The following ERAP2 variants were observed in gnomAD, a reference collection of about 807,000 sequenced individuals.
ERAP2 encodes the protein endoplasmic reticulum aminopeptidase 2.
Under a neutral mutation model 111.1 loss-of-function variants are expected in ERAP2, and 118 were observed. That is an observed-to-expected ratio of 1.06 (90% CI 0.92 to 1.24). The LOEUF is 1.24. Ranked by LOEUF, ERAP2 falls within the 50% of genes most tolerant of loss-of-function variation. The probability of loss-of-function intolerance (pLI) is 0.00; values close to 1 mark genes in which losing one functional copy is unlikely to be tolerated. For synonymous variants in ERAP2, 410 were observed against 401.2 expected (o/e 1.02, Z -0.26); for missense variants, 1,131 against 1,125.8 (o/e 1.00, Z -0.07).
chr5:96,878,891 G>A (rs1171600608), intron 1 of ERAP2, among the ~76,000 whole-genome samples: 1 of 152,172 alleles, frequency 6.6e-6, no homozygotes, highest in African/African-American at 2.4e-5. Flanking sequence ...TAGTGCCACT[G>A]CATTCCAACC....
chr5:96,879,537 T>A, intron 1 of ERAP2, 27 bp from the exon 2 acceptor site: 1 of 605,306 alleles, frequency 1.7e-6, no homozygotes, highest in Non-Finnish European at 2.9e-6. Flanking sequence ...TTTTTTGTCA[T>A]GCTATAAGTG....
chr5:96,891,535 TACACACACACACACACACACACACACAC>T (rs140359623), intron 5 of ERAP2, among the ~76,000 whole-genome samples: 1 of 138,990 alleles, frequency 7.2e-6, no homozygotes, highest in Non-Finnish European at 1.5e-5. Context: ...ACGGTATATA[TACACACACACACACACACACACACACAC>T]ATATATGGTA....
intron 10 of ERAP2, among the ~76,000 whole-genome samples, chr5:96,901,181 T>TTTGC (rs1429637171): frequency 7.6e-6 from 1 of 131,750 alleles, no homozygotes; most frequent in Non-Finnish European, 1.6e-5. Flanking sequence ...TGTTTGTTTG[T>TTTGC]TTGTTTGATT....
chr5:96,891,271 C>T (rs559209963), intron 5 of ERAP2, among the ~76,000 whole-genome samples: 1 of 151,344 alleles, frequency 6.6e-6, no homozygotes, highest in Admixed American at 6.6e-5. Context: ...AAATATTAGC[C>T]AGAAATTTTT....
rs574260056 is a variant in ERAP2, at chr5:96,889,770, G to A, written c.970+465G>A. Among the ~76,000 whole-genome samples the A allele has an allele frequency of 2.9e-4, 44 of 152,018 alleles. 1 individual carries two copies. Among genetic ancestry groups the A allele is most frequent in the Admixed American group, 2.5e-3 (38 of 15,262 alleles). ...GTGGGAGGGAAACACACCTCCCATC[G>A]TGCTGCTCTTCTATGCCCAGCAGCA... On this transcript the variant is annotated intron_variant, in intron 5 of 18. Transcript: ENST00000437043.
Position 96,896,405 on chromosome 5 carries a change from A to T in ERAP2, c.1272A>T (p.Val424=). 6.2e-7 allele frequency: 1 copy of T among 1,611,900 alleles called. No homozygotes were observed. Among genetic ancestry groups the T allele is most frequent in the East Asian group, 2.2e-5 (1 of 44,816 alleles). Residue 424 remains valine (V), a synonymous_variant, in exon 8 of 19, where the codon GTA becomes GTT. Coordinates refer to ENST00000437043, the MANE Select transcript of ERAP2 (RefSeq NM_022350.5). The part of the protein sequence containing the change: ...DDYFLNVCFE[V]ITKDSLNSSR... ...ATTTTTTGAATGTGTGTTTTGAAGT[A>T]ATTACAAAAGATTCATTGAATTCAT...
Position 96,879,958 on chromosome 5 carries a change from T to G in ERAP2, c.273T>G (p.Phe91Leu). ...ACCCCAATCTCACCTCTCTGGACTT[T>G]GTTGCATCTGAGAAGATCGAAGTCT... ...FVHPNLTSLDFVASEKIEVLV... is the reference protein window; with the variant it reads ...FVHPNLTSLDLVASEKIEVLV... The change falls in exon 2 of 19, where the codon TTT becomes TTG. Residue 91 changes from phenylalanine (F) to leucine (L), a missense_variant. Transcript: ENST00000437043. The G allele has an allele frequency of 6.2e-7, 1 of 1,614,216 alleles. No homozygotes were observed. The highest frequency in any genetic ancestry group is 8.5e-7 in the Non-Finnish European group (1 of 1,180,036).
Position 96,915,709 on chromosome 5 carries a change from C to T in ERAP2, c.2679C>T (p.Asp893=), listed in dbSNP as rs1787308731. The T allele has an allele frequency of 1.3e-6, 2 of 1,591,772 alleles. No homozygotes were observed. Among genetic ancestry groups the T allele is most frequent in the South Asian group, 1.1e-5 (1 of 86,978 alleles). ...TCAGATTTGACTTGGGCTCATATGA[C>T]ATAAGGATGATCATCTCTGGCACAA... ...LLKKFDLGSY[D]IRMIISGTTA... The change falls in exon 18 of 19, where the codon GAC becomes GAT. Residue 893 remains aspartate (D), a synonymous_variant. Transcript: ENST00000437043.
intron 6 of ERAP2, 44 bp downstream of exon 6, chr5:96,892,497 A>T: frequency 1.2e-6 from 2 of 1,607,954 alleles, no homozygotes; most frequent in South Asian, 2.2e-5. Flanking sequence ...GTTCAAAATA[A>T]CATTATATAG....
At chr5:96,882,386 C>T (rs1783233584) in intron 2 of ERAP2, among the ~76,000 whole-genome samples, 1 of 152,142 alleles carries the variant, frequency 6.6e-6, no homozygotes, top group African/African-American at 2.4e-5. Flanking sequence ...GCAGGCTATT[C>T]CTGATGCTCC....
chr5:96,891,520 C>G (rs1561371987), intron 5 of ERAP2, among the ~76,000 whole-genome samples: 2 of 29,636 alleles, frequency 6.7e-5, no homozygotes, highest in Non-Finnish European at 6.8e-5. Flanking sequence ...TATATATGCC[C>G]ATATACGGTA....
intron 5 of ERAP2, 137 bp from the exon 6 acceptor site, chr5:96,892,162 A>G (rs1429358122): frequency 1.3e-6 from 1 of 791,098 alleles, no homozygotes; most frequent in Non-Finnish European, 2.0e-6. Context: ...CACCCTGTCA[A>G]TGTTAAGATA....
intron 16 of ERAP2, 21 bp from the exon 17 acceptor site, chr5:96,913,295 CA>C (rs780205264): frequency 1.2e-6 from 2 of 1,603,280 alleles, no homozygotes; most frequent in Non-Finnish European, 1.7e-6. Context: ...TATTTAGAAA[CA>C]AATTATTTTT....
rs551370255 is a variant in ERAP2, at chr5:96,898,385, T to C, written c.1503+1522T>C. The stretch of plus-strand genomic sequence containing the variant: ...CAATCAAAAATTATTTCACAGCTCC[T>C]ATTTTTTACTTGCATTTCTTGAAAA... On this transcript the variant is annotated intron_variant, in intron 9 of 18. Coordinates refer to ENST00000437043, the MANE Select transcript of ERAP2 (RefSeq NM_022350.5). Among the ~76,000 whole-genome samples the C allele has an allele frequency of 4.0e-5, 6 of 151,848 alleles. No individual in the cohort carries two copies. The South Asian group carries it at 1.3e-3, about 32-fold the overall frequency.
chr5:96,877,464 C>A (rs914227011), intron 1 of ERAP2, among the ~76,000 whole-genome samples: 18 of 152,134 alleles, frequency 1.2e-4, no homozygotes, highest in African/African-American at 4.3e-4. Flanking sequence ...CAAGTTATAA[C>A]CTCAATAATA....
At chr5:96,889,860 ACACG>A (rs1196900973) in intron 5 of ERAP2, among the ~76,000 whole-genome samples, 14 of 142,562 alleles carry the variant, frequency 9.8e-5, no homozygotes, top group African/African-American at 3.7e-4. Flanking sequence ...ACACACACAC[ACACG>A]CATTGCATAT....
At chr5:96,887,968 T>C (rs985972497) in intron 4 of ERAP2, among the ~76,000 whole-genome samples, 1 of 151,548 alleles carries the variant, frequency 6.6e-6, no homozygotes, top group African/African-American at 2.4e-5. Flanking sequence ...CTACTAAAAA[T>C]ACAAAAATTA....
intron 15 of ERAP2, chr5:96,910,413 T>A (rs1198140992): frequency 6.6e-6 from 1 of 152,036 alleles, no homozygotes; most frequent in African/African-American, 2.4e-5. Context: ...CTTTTTGGAC[T>A]TTTTTTCCTT....
intron 4 of ERAP2, among the ~76,000 whole-genome samples, chr5:96,888,870 A>G (rs1784036906): frequency 6.6e-6 from 1 of 152,212 alleles, no homozygotes; most frequent in Non-Finnish European, 1.5e-5. Flanking sequence ...AGTATATCAT[A>G]GAGACGAACT....
Sources: allele counts gnomAD v4.1 joint callset (sites outside exome capture counted in the v4.1 genomes callset), GRCh38; gene constraint gnomAD v4.1.1; transcripts MANE v1.5; gene names NCBI Gene and HGNC (gene_info 2026-07-23, HGNC 2026-07-21).